The following CHODL variants were observed in gnomAD, a reference collection of about 807,000 sequenced individuals.
CHODL encodes chondrolectin.
Under a neutral mutation model 34.5 loss-of-function variants are expected in CHODL, and 29 were observed. The ratio of observed to expected loss-of-function variants is 0.84; its 90% CI spans 0.63 to 1.15. The LOEUF is 1.15. CHODL is among the 50% of genes most tolerant of loss of function. CHODL has a pLI of 0.00. For missense variants in CHODL, 332 were observed against 332.5 expected (o/e 1.00, Z 0.01); for synonymous variants, 125 against 116.1 (o/e 1.08, Z -0.49).
At chr21:17,976,535 A>G in intron 1 of CHODL, among the ~76,000 whole-genome samples, 1 of 152,146 alleles carries the variant, frequency 6.6e-6, no homozygotes, top group East Asian at 1.9e-4. Context: ...CAATTAATCA[A>G]TTCATTTAAT....
At chr21:18,222,263 A>G (rs1049344815) in intron 2 of CHODL, among the ~76,000 whole-genome samples, 2 of 152,072 alleles carry the variant, frequency 1.3e-5, no homozygotes, top group South Asian at 2.1e-4. Flanking sequence ...GCGTGGGCTC[A>G]GGTGCTGGTG....
At chr21:18,105,463 T>C (rs959757894) in intron 2 of CHODL, among the ~76,000 whole-genome samples, 3 of 152,186 alleles carry the variant, frequency 2.0e-5, no homozygotes, top group African/African-American at 7.2e-5. Context: ...TCTGCTTAAG[T>C]CAGTCAAAGT....
chr21:17,918,130 G>C (rs2063155643), intron 1 of CHODL, among the ~76,000 whole-genome samples: 1 of 152,080 alleles, frequency 6.6e-6, no homozygotes, highest in South Asian at 2.1e-4. Flanking sequence ...GGCTGATACT[G>C]GTGGGGTATG....
intron 2 of CHODL, among the ~76,000 whole-genome samples, chr21:18,113,388 AGTTT>A (rs2057795327): frequency 6.6e-6 from 1 of 152,176 alleles, no homozygotes; most frequent in African/African-American, 2.4e-5. Flanking sequence ...TATGTGTATT[AGTTT>A]GTTCTCACAT....
At chr21:18,157,728 A>C (rs559990573) in intron 2 of CHODL, among the ~76,000 whole-genome samples, 1 of 152,348 alleles carries the variant, frequency 6.6e-6, no homozygotes, top group East Asian at 1.9e-4. Flanking sequence ...GCTAGACCTA[A>C]GTACTGAAGG....
chr21:18,117,773 G>C (rs1005396259), intron 2 of CHODL, among the ~76,000 whole-genome samples: 1 of 151,914 alleles, frequency 6.6e-6, no homozygotes, highest in Non-Finnish European at 1.5e-5. Context: ...TTAAAAGGGA[G>C]GTAGTTGTTA....
intron 2 of CHODL, among the ~76,000 whole-genome samples, chr21:18,104,072 A>G (rs538119012): frequency 6.6e-6 from 1 of 152,290 alleles, no homozygotes; most frequent in African/African-American, 2.4e-5. Flanking sequence ...TTTCATGTAT[A>G]AGGAAATCAT....
At chr21:18,144,290 C>G (rs897207933) in intron 2 of CHODL, among the ~76,000 whole-genome samples, 1 of 151,930 alleles carries the variant, frequency 6.6e-6, no homozygotes, top group African/African-American at 2.4e-5. Context: ...AACATTTTTT[C>G]TGTTAGCCTC....
intron 2 of CHODL, among the ~76,000 whole-genome samples, chr21:18,113,055 C>G (rs1225634147): frequency 6.6e-6 from 1 of 151,482 alleles, no homozygotes; most frequent in Non-Finnish European, 1.5e-5. Context: ...ATAAGGAGCT[C>G]AAACAACTCT....
At chr21:18,007,484 G>T (rs1013846648) in intron 1 of CHODL, among the ~76,000 whole-genome samples, 1 of 152,124 alleles carries the variant, frequency 6.6e-6, no homozygotes, top group Non-Finnish European at 1.5e-5. Context: ...AACACTTTGG[G>T]TTCAAATCTG....
chr21:18,245,862 A>G, intron 1 of CHODL: 1 of 1,512,032 alleles, frequency 6.6e-7, no homozygotes, highest in Non-Finnish European at 8.9e-7. Flanking sequence ...TTGCGTGTAG[A>G]TGCCTTTCCT....
At chr21:18,112,397 A>G (rs1443265026) in intron 2 of CHODL, among the ~76,000 whole-genome samples, 1 of 152,166 alleles carries the variant, frequency 6.6e-6, no homozygotes, top group Non-Finnish European at 1.5e-5. Context: ...CATTCTTGAC[A>G]AAAATTGAAA....
At chr21:18,019,815 CACT>C (rs2064111006) in intron 1 of CHODL, among the ~76,000 whole-genome samples, 2 of 152,150 alleles carry the variant, frequency 1.3e-5, no homozygotes, top group South Asian at 4.1e-4. Flanking sequence ...TGCCATATCA[CACT>C]GAGGAATCAG....
At chr21:18,049,104 G>A (rs1303797017) in intron 2 of CHODL, among the ~76,000 whole-genome samples, 1 of 151,874 alleles carries the variant, frequency 6.6e-6, no homozygotes, top group Non-Finnish European at 1.5e-5. Flanking sequence ...CTTGTACAGT[G>A]TATTCAATAT....
At chr21:18,064,627 G>GCCCTTGGACTTGGCCTGGAACCATAC (rs1357616076) in intron 2 of CHODL, among the ~76,000 whole-genome samples, 1 of 152,098 alleles carries the variant, frequency 6.6e-6, no homozygotes, top group East Asian at 1.9e-4. Flanking sequence ...AGTTTCTCAG[G>GCCCTTGGACTTGGCCTGGAACCATAC]CCCTTGGACT....
intron 2 of CHODL, among the ~76,000 whole-genome samples, chr21:18,096,180 A>T (rs2065137639): frequency 2.0e-5 from 3 of 152,164 alleles, no homozygotes; most frequent in South Asian, 2.1e-4. Flanking sequence ...GTAATTTCCT[A>T]TCCCTGTCTT....
chr21:18,181,680 G>A (rs985012253), intron 2 of CHODL, among the ~76,000 whole-genome samples: 11 of 152,228 alleles, frequency 7.2e-5, no homozygotes, highest in South Asian at 4.2e-4. Flanking sequence ...GTGAGCCACC[G>A]CGCCCAGCCA....
chr21:18,011,207 T>C (rs2064016283), intron 1 of CHODL, among the ~76,000 whole-genome samples: 1 of 152,224 alleles, frequency 6.6e-6, no homozygotes, highest in African/African-American at 2.4e-5. Context: ...TTGTATTAAA[T>C]ATTAATAAAG....
chr21:17,987,477 A>G lies in CHODL; in HGVS notation c.-144-40395A>G, dbSNP rs77625970. On this transcript the variant is annotated intron_variant, in intron 1 of 6. Transcript: ENST00000400127. ...GTGGTAAATAAAAAGAATCACTTTC[A>G]AACTGCTACCTTTTATGTGCAGCAC... Among the ~76,000 whole-genome samples, 308 of 152,278 alleles carry G rather than the reference A, an allele frequency of 2.0e-3. 2 individuals are homozygous for G. The highest frequency in any genetic ancestry group is 3.2e-3 in the Non-Finnish European group (219 of 68,004).
Sources: gnomAD v4.1 joint callset for allele counts (sites outside exome capture counted in the v4.1 genomes callset) on GRCh38, gnomAD v4.1.1 for gene constraint, MANE v1.5 for transcripts, NCBI Gene and HGNC (gene_info 2026-07-23, HGNC 2026-07-21) for gene names.